The following KCTD4 variants were observed in gnomAD, a reference collection of about 807,000 sequenced individuals.
The protein encoded by KCTD4 is BTB/POZ domain-containing protein KCTD4.
KCTD4 carries 12 observed loss-of-function variants against 18.3 expected under a neutral mutation model. The ratio of observed to expected loss-of-function variants is 0.66; its 90% CI spans 0.42 to 1.06. The LOEUF (loss-of-function observed/expected upper bound fraction) is 1.06, where lower values mean the gene tolerates loss of function less well. Ranked by LOEUF, KCTD4 falls within the 50% of genes least tolerant of loss-of-function variation. The pLI, the probability that KCTD4 is intolerant of heterozygous loss-of-function variation, is 0.00. For missense variants in KCTD4, 250 were observed against 303.4 expected, an observed-to-expected ratio of 0.82 and a Z score of 1.31; for synonymous variants, 124 against 110.5, an observed-to-expected ratio of 1.12 and a Z score of -0.76.
At position 45,194,304 on chromosome 13, in the gene KCTD4, A is replaced by G. The variant is rs767161105; in HGVS notation, c.264T>C (p.His88=). ...FIDRDGLLFR[H]VLNFLRNGEL... is the part of the protein sequence containing the mutation. The stretch of plus-strand genomic sequence containing the variant: ...CTCCATTTCGTAGGAAGTTTAGGAC[A>G]TGCCTGAAGAGGAGACCATCCCTGT... The change falls in exon 2 of 2, where the codon CAT becomes CAC. Residue 88 remains histidine, a synonymous_variant. Coordinates refer to ENST00000379108, the MANE Select transcript of KCTD4 (RefSeq NM_198404.3). The G allele has an allele frequency of 6.2e-7, 1 of 1,614,192 alleles. No individual in the cohort carries two copies. Among genetic ancestry groups the G allele is most frequent in the Non-Finnish European group, 8.5e-7 (1 of 1,180,026 alleles).
chr13:45,193,727 G>T lies in KCTD4; in HGVS notation c.*61C>A. 6.8e-7 allele frequency: 1 copy of T among 1,473,776 alleles called. No homozygotes were observed. The highest frequency in any genetic ancestry group is 9.2e-7 in the Non-Finnish European group (1 of 1,091,320). 91.3% of individuals were successfully genotyped at this position (1,473,776 alleles called of 1,614,324 possible). ...GCATGTTATTTGGGATGTCTTTGAT[G>T]CTGTGGTTTTCCGAAGCTTGCTGGC... On this transcript the variant is annotated 3_prime_UTR_variant, in exon 2 of 2. Transcript: ENST00000379108.
intron 1 of KCTD4, among the ~76,000 whole-genome samples, chr13:45,199,803 C>T (rs1310904767): frequency 1.3e-5 from 2 of 152,164 alleles, no homozygotes; most frequent in Non-Finnish European, 2.9e-5. Context: ...AAGAGGGTCT[C>T]TGTTACCGTA....
Position 45,194,361 on chromosome 13 carries a change from G to T in KCTD4, c.207C>A (p.Cys69Ter), listed in dbSNP as rs1489274276. 6.2e-7 allele frequency: 1 copy of T among 1,614,156 alleles called. No homozygotes were observed. The change falls in exon 2 of 2, where the codon TGC (cysteine) becomes TGA (stop). Residue 69 changes from cysteine to a stop codon, truncating the protein, a stop_gained. Transcript: ENST00000379108. LOFTEE classifies it high-confidence loss of function. ...LEGIVNGKIL[C>*]PFDADGHYFI... ...AATAATGACCATCAGCATCAAACGG[G>T]CAGAGGATTTTTCCATTTACTATAC...
intron 1 of KCTD4, among the ~76,000 whole-genome samples, chr13:45,200,197 G>C (rs984828975): frequency 8.6e-5 from 13 of 152,038 alleles, no homozygotes; most frequent in African/African-American, 3.1e-4. Context: ...CGTATCACAA[G>C]AAAGTAAAAT....
chr13:45,194,598 C>T lies in KCTD4; in HGVS notation c.-31G>A. The T allele has an allele frequency of 6.3e-7, 1 of 1,578,238 alleles. No homozygotes were observed. Among genetic ancestry groups the T allele is most frequent in the Non-Finnish European group, 8.6e-7 (1 of 1,161,988 alleles). ...GAAGATGCTATTTCAGCTTGTTCTT[C>T]TTGGCTTTGAGATTTTTTAAAAAGA... On this transcript the variant is annotated 5_prime_UTR_variant, in exon 2 of 2. Coordinates refer to ENST00000379108, the MANE Select transcript of KCTD4 (RefSeq NM_198404.3).
At chr13:45,200,163 A>T (rs1873104172) in intron 1 of KCTD4, among the ~76,000 whole-genome samples, 1 of 152,144 alleles carries the variant, frequency 6.6e-6, no homozygotes. Context: ...GAAATATTTG[A>T]GCAGCTCTGT....
At chr13:45,196,147 T>A (rs192037460) in intron 1 of KCTD4, among the ~76,000 whole-genome samples, 28 of 152,324 alleles carry the variant, frequency 1.8e-4, no homozygotes, top group African/African-American at 6.7e-4. Flanking sequence ...AAGTTAACAT[T>A]TATGTATTAT....
At chr13:45,197,934 C>T (rs1872982343) in intron 1 of KCTD4, among the ~76,000 whole-genome samples, 1 of 152,218 alleles carries the variant, frequency 6.6e-6, no homozygotes, top group Admixed American at 6.5e-5. Context: ...CCTGGATCCA[C>T]TTGGCCACTA....
chr13:45,194,372 TTCCA>T lies in KCTD4; in HGVS notation c.192_195del (p.Asn64LysfsTer15). On this transcript the variant is annotated frameshift_variant, in exon 2 of 2. Coordinates refer to ENST00000379108, the MANE Select transcript of KCTD4 (RefSeq NM_198404.3). LOFTEE classifies it high-confidence loss of function. Reference sequence around the variant, plus strand: ...TCAGCATCAAACGGGCAGAGGATTTTTCCATTTACTATACCTTCAAGGAAAGTGT... The same window carrying T: ...TCAGCATCAAACGGGCAGAGGATTTTTTTACTATACCTTCAAGGAAAGTGT... 6.2e-7 allele frequency: 1 copy of T among 1,614,160 alleles called. No individual in the cohort carries two copies. Among genetic ancestry groups the T allele is most frequent in the Non-Finnish European group, 8.5e-7 (1 of 1,180,012 alleles).
rs751179380 is a variant in KCTD4, at chr13:45,194,165, G to A, written c.403C>T (p.Leu135=). 1 of 1,614,108 alleles carries A rather than the reference G, an allele frequency of 6.2e-7. No homozygotes were observed. The highest frequency in any genetic ancestry group is 8.5e-7 in the Non-Finnish European group (1 of 1,179,994). Reference sequence around the variant, plus strand: ...AAGAAAGTAGTCTCTCTGGGTGTTAGCTGTTCTTTCTCCCACCTGGATTTC... The same window carrying A: ...AAGAAAGTAGTCTCTCTGGGTGTTAACTGTTCTTTCTCCCACCTGGATTTC... ...EVKSRWEKEQ[L]TPRETTFLEI... is the part of the protein sequence containing the mutation. The change falls in exon 2 of 2, where the codon CTA becomes TTA. Residue 135 remains leucine, a synonymous_variant. Coordinates refer to ENST00000379108, the MANE Select transcript of KCTD4 (RefSeq NM_198404.3).
intron 1 of KCTD4, among the ~76,000 whole-genome samples, chr13:45,197,932 C>A (rs1872982032): frequency 6.6e-6 from 1 of 152,196 alleles, no homozygotes; most frequent in South Asian, 2.1e-4. Flanking sequence ...TACCTGGATC[C>A]ACTTGGCCAC....
chr13:45,200,406 T>C (rs1873118772), intron 1 of KCTD4, among the ~76,000 whole-genome samples: 2 of 145,488 alleles, frequency 1.4e-5, no homozygotes, highest in Admixed American at 1.4e-4. Context: ...TGGGCTCAGG[T>C]GATCTTCCTG....
Position 45,194,625 on chromosome 13 carries a change from A to G in KCTD4, c.-58T>C. 7.0e-6 allele frequency: 10 copies of G among 1,428,966 alleles called. No homozygotes were observed. Among genetic ancestry groups the G allele is most frequent in the Middle Eastern group, 1.8e-4 (1 of 5,414 alleles). 88.5% of individuals were successfully genotyped at this position (1,428,966 alleles called of 1,614,324 possible). On this transcript the variant is annotated 5_prime_UTR_variant, in exon 2 of 2. Transcript: ENST00000379108. ...TGGCTTTGAGATTTTTTAAAAAGAGACACTACCACACAAGCACGCCTTTAT... is the reference window on the plus strand; with the variant it reads ...TGGCTTTGAGATTTTTTAAAAAGAGGCACTACCACACAAGCACGCCTTTAT...
rs1872772571 is a variant in KCTD4, at chr13:45,194,179, C to T, written c.389G>A (p.Trp130Ter). 6.2e-7 allele frequency: 1 copy of T among 1,614,060 alleles called. No individual in the cohort carries two copies. The highest frequency in any genetic ancestry group is 8.5e-7 in the Non-Finnish European group (1 of 1,180,008). The change falls in exon 2 of 2, where the codon TGG becomes TAG. Residue 130 changes from tryptophan to a stop codon, truncating the protein, a stop_gained. Coordinates refer to ENST00000379108, the MANE Select transcript of KCTD4 (RefSeq NM_198404.3). LOFTEE classifies it high-confidence loss of function. ...TCTGGGTGTTAGCTGTTCTTTCTCC[C>T]ACCTGGATTTCACTTCCTCTGCCAG... ...KGLAEEVKSRWEKEQLTPRET... is the reference protein window; with the variant it reads ...KGLAEEVKSR
intron 1 of KCTD4, among the ~76,000 whole-genome samples, chr13:45,199,498 C>G (rs1369199971): frequency 6.9e-6 from 1 of 145,578 alleles, no homozygotes; most frequent in Non-Finnish European, 1.5e-5. Context: ...GAAGTCATAC[C>G]TTAAGTTTTT....
Position 45,193,639 on chromosome 13 carries a change from T to C in KCTD4, c.*149A>G, listed in dbSNP as rs1872743430. On this transcript the variant is annotated 3_prime_UTR_variant, in exon 2 of 2. Transcript: ENST00000379108. Reference sequence around the variant, plus strand: ...GGAAGGACATCTTTAGCGATAGAATTTACATACCGTTAGCTCACAGTAATT... The same window carrying C: ...GGAAGGACATCTTTAGCGATAGAATCTACATACCGTTAGCTCACAGTAATT... 4 of 671,412 alleles carry C rather than the reference T, an allele frequency of 6.0e-6. No individual in the cohort carries two copies. The highest frequency in any genetic ancestry group is 1.0e-5 in the Non-Finnish European group (4 of 401,206). 41.6% of individuals were successfully genotyped at this position (671,412 alleles called of 1,614,324 possible).
In KCTD4 at chr13:45,194,593, T is replaced by G; in HGVS notation, c.-26A>C. On this transcript the variant is annotated 5_prime_UTR_variant, in exon 2 of 2. Coordinates refer to ENST00000379108, the MANE Select transcript of KCTD4 (RefSeq NM_198404.3). ...TTTTTGAAGATGCTATTTCAGCTTG[T>G]TCTTCTTGGCTTTGAGATTTTTTAA... 6.3e-7 allele frequency: 1 copy of G among 1,589,824 alleles called. No homozygotes were observed. Among genetic ancestry groups the G allele is most frequent in the Non-Finnish European group, 8.6e-7 (1 of 1,167,574 alleles).
At position 45,193,229 on chromosome 13, in the gene KCTD4, T is replaced by A. The variant is rs1464620261; in HGVS notation, c.*559A>T. Reference sequence around the variant, plus strand: ...ACTGTGAATATAAGCTTTTGGTGCTTGCTATGGAAAAATCAAATCAATAGC... The same window carrying A: ...ACTGTGAATATAAGCTTTTGGTGCTAGCTATGGAAAAATCAAATCAATAGC... On this transcript the variant is annotated 3_prime_UTR_variant, in exon 2 of 2. Coordinates refer to ENST00000379108, the MANE Select transcript of KCTD4 (RefSeq NM_198404.3). 1 of 152,222 alleles carries A rather than the reference T, an allele frequency of 6.6e-6. No individual in the cohort carries two copies. The highest frequency in any genetic ancestry group is 1.5e-5 in the Non-Finnish European group (1 of 68,032). The allele number at this position is 152,222 out of a possible 1,614,324, so 9.4% of individuals were successfully genotyped here.
chr13:45,198,143 A>G (rs1261384475), intron 1 of KCTD4, among the ~76,000 whole-genome samples: 2 of 152,208 alleles, frequency 1.3e-5, no homozygotes, highest in Non-Finnish European at 2.9e-5. Context: ...AATTGGGTCC[A>G]ATGCCTAACT....
Sources: gnomAD v4.1 joint callset for allele counts (sites outside exome capture counted in the v4.1 genomes callset) on GRCh38, gnomAD v4.1.1 for gene constraint, MANE v1.5 for transcripts, NCBI Gene and HGNC (gene_info 2026-07-23, HGNC 2026-07-21) for gene names.